The following POU6F1 variants were observed in gnomAD, a reference collection of about 807,000 sequenced individuals.
POU6F1 encodes the protein POU domain, class 6, transcription factor 1.
Under a neutral mutation model 28.9 loss-of-function variants are expected in POU6F1, and 9 were observed. That is an observed-to-expected ratio of 0.31 (90% CI 0.19 to 0.54). The LOEUF is 0.54. Among genes scored for constraint, POU6F1 ranks in the 20% least tolerant of loss-of-function variants. The pLI, the probability that POU6F1 is intolerant of heterozygous loss-of-function variation, is 0.94. For synonymous variants in POU6F1, 173 were observed against 171.1 expected, an observed-to-expected ratio of 1.01 and a Z score of -0.09; for missense variants, 338 against 426.1, an observed-to-expected ratio of 0.79 and a Z score of 1.82.
chr12:51,200,779 C>T (rs1054960758), intron 3 of POU6F1, among the ~76,000 whole-genome samples: 8 of 152,092 alleles, frequency 5.3e-5, no homozygotes, highest in Non-Finnish European at 8.8e-5. Context: ...TCTCTGCCTC[C>T]GGGGCTCAAG....
intron 2 of POU6F1, 31 bp from the exon 3 acceptor site, chr12:51,204,399 A>G (rs1445170397): frequency 5.0e-6 from 2 of 398,870 alleles, no homozygotes; most frequent in Non-Finnish European, 8.8e-6. Context: ...CACTGTTGGG[A>G]TAGGGGCCAG....
chr12:51,196,660 A>G, intron 7 of POU6F1, 139 bp downstream of exon 7: 1 of 1,060,362 alleles, frequency 9.4e-7, no homozygotes, highest in Non-Finnish European at 1.4e-6. Context: ...GCATCGGCAG[A>G]AAGCCGCCGC....
chr12:51,213,014 G>A (rs1944106362), intron 1 of POU6F1, among the ~76,000 whole-genome samples: 1 of 151,754 alleles, frequency 6.6e-6, no homozygotes, highest in East Asian at 2.0e-4. Flanking sequence ...TCGGCTTACT[G>A]CAACCTCCGC....
Position 51,192,458 on chromosome 12 carries a change from T to C in POU6F1, c.1193A>G (p.Gln398Arg). 1 of 1,613,240 alleles carries C rather than the reference T, an allele frequency of 6.2e-7. No homozygotes were observed. Among genetic ancestry groups the C allele is most frequent in the Non-Finnish European group, 8.5e-7 (1 of 1,179,966 alleles). Residue 398 changes from glutamine to arginine, a missense_variant, in exon 9 of 11, where the codon CAG (glutamine) becomes CGG (arginine). Physicochemically the swap from Gln to Arg is conservative, Grantham distance 43. This residue lies in a region of POU6F1 where 206 missense variants were observed against 225.6 expected (regional missense o/e 0.91). Transcript: ENST00000333640. Reference sequence around the variant, plus strand: ...AGGCTGGGGCACGGTTGGTGTGGGCTGGATGGGCTGCACCTGTGAAAGGAC... The same window carrying C: ...AGGCTGGGGCACGGTTGGTGTGGGCCGGATGGGCTGCACCTGTGAAAGGAC... The part of the protein sequence containing the change: ...SPAKSEVQPI[Q>R]PTPTVPQPAV...
chr12:51,216,723 C>T (rs1471742125), intron 1 of POU6F1, among the ~76,000 whole-genome samples: 2 of 152,122 alleles, frequency 1.3e-5, no homozygotes, highest in African/African-American at 4.8e-5. Flanking sequence ...GAAGACCAGC[C>T]CTCTACTTTT....
intron 2 of POU6F1, among the ~76,000 whole-genome samples, chr12:51,206,443 CAAACAAAA>C (rs1943624567): frequency 1.7e-5 from 2 of 120,134 alleles, no homozygotes; most frequent in African/African-American, 6.2e-5. Flanking sequence ...AACAAACAAA[CAAACAAAA>C]AAGATATAAG....
Position 51,192,372 on chromosome 12 carries a change from T to C in POU6F1, c.1279A>G (p.Ile427Val), listed in dbSNP as rs1592138177. 2 of 1,613,944 alleles carry C rather than the reference T, an allele frequency of 1.2e-6. No homozygotes were observed. Among genetic ancestry groups the C allele is most frequent in the Non-Finnish European group, 1.7e-6 (2 of 1,179,980 alleles). ...AKPSASAPIP[I>V]TCSETPTVSQ... ...ACGGTGGGGGTCTCTGAGCAGGTAA[T>C]TGGGATAGGAGCAGAGGCAGATGGC... Residue 427 changes from isoleucine (I) to valine (V), a missense_variant, in exon 9 of 11, where the codon ATT becomes GTT. By Grantham distance (29) the Ile-to-Val change is conservative. Coordinates refer to ENST00000333640, the MANE Select transcript of POU6F1 (RefSeq NM_001330422.2).
At chr12:51,196,311 TAAA>T (rs1942824341) in intron 7 of POU6F1, 138 bp from the exon 8 acceptor site, 1 of 696,530 alleles carries the variant, frequency 1.4e-6, no homozygotes, top group Non-Finnish European at 2.3e-6. Flanking sequence ...TCTGCATGAG[TAAA>T]ATGCAGGATT....
chr12:51,216,473 G>A (rs1026406411), intron 1 of POU6F1, among the ~76,000 whole-genome samples: 1 of 152,192 alleles, frequency 6.6e-6, no homozygotes, highest in Non-Finnish European at 1.5e-5. Context: ...CTCCATGATA[G>A]AAGTTTTGTC....
At chr12:51,200,201 G>C (rs552771338) in intron 3 of POU6F1, among the ~76,000 whole-genome samples, 42 of 152,218 alleles carry the variant, frequency 2.8e-4, no homozygotes, top group Non-Finnish European at 8.8e-5. Flanking sequence ...CATCAACAGA[G>C]GAGTCTGAAG....
rs916461490 is a variant in POU6F1 at position 51,217,790 on chromosome 12, G to GGGCTC, written c.-201_-197dup. On this transcript the variant is annotated 5_prime_UTR_variant, in exon 1 of 11. Transcript: ENST00000333640. This position sits in a 1 kb window ranked among gnomAD's most constrained non-coding sequence, Gnocchi z 5.3. Reference sequence around the variant, plus strand: ...ACAAAGAAGCCAGTGCGGCTTGGCTGGGCTCGGCTCGGCCCGGGAGCTGGT... The same window carrying GGGCTC: ...ACAAAGAAGCCAGTGCGGCTTGGCTGGGCTCGGCTCGGCTCGGCCCGGGAGCTGGT... 2 of 151,898 alleles carry GGGCTC rather than the reference G, an allele frequency of 1.3e-5. No homozygotes were observed. Among genetic ancestry groups the GGGCTC allele is most frequent in the Admixed American group, 6.5e-5 (1 of 15,270 alleles). 9.4% of individuals were successfully genotyped at this position (151,898 alleles called of 1,614,324 possible). A position where few individuals can be genotyped will look rare whatever the true frequency, so the allele number is the denominator to read the frequency against.
At chr12:51,194,371 T>G (rs933902473) in intron 8 of POU6F1, among the ~76,000 whole-genome samples, 1 of 152,066 alleles carries the variant, frequency 6.6e-6, no homozygotes, top group Non-Finnish European at 1.5e-5. Context: ...CTGGGCACGG[T>G]GTCACATGCC....
Position 51,196,144 on chromosome 12 carries a change from G to A in POU6F1, c.1005C>T (p.Asn335=). The change falls in exon 8 of 11, where the codon AAC becomes AAT. Residue 335 remains asparagine (N), a synonymous_variant. Transcript: ENST00000333640. ...GTGCTGGGGCCGCCACACTAGCTGAGTTCACTACCCATGGAAGGGTTCCAA... is the reference window on the plus strand; with the variant it reads ...GTGCTGGGGCCGCCACACTAGCTGAATTCACTACCCATGGAAGGGTTCCAA... The part of the protein sequence containing the change: ...QVIGTLPWVV[N]SASVAAPAPA... 1 of 1,551,838 alleles carries A rather than the reference G, an allele frequency of 6.4e-7. No homozygotes were observed. The highest frequency in any genetic ancestry group is 8.7e-7 in the Non-Finnish European group (1 of 1,152,016).
At position 51,204,267 on chromosome 12, in the gene POU6F1, G is replaced by A. The variant is rs771492989; in HGVS notation, c.150C>T (p.Ala50=). 1.0e-5 allele frequency: 4 copies of A among 399,086 alleles called. No individual in the cohort carries two copies. The highest frequency in any genetic ancestry group is 1.3e-4 in the South Asian group (1 of 7,864). The allele number at this position is 399,086 out of a possible 1,614,324, so 24.7% of individuals were successfully genotyped here. Residue 50 remains alanine, a synonymous_variant, in exon 3 of 11, where the codon GCC becomes GCT. Transcript: ENST00000333640. Reference sequence around the variant, plus strand: ...GGTCTCCGCTCTGGGAGCCCTCGGCGGCCACACCCTCCAGTCCTTTGCTCT... The same window carrying A: ...GGTCTCCGCTCTGGGAGCCCTCGGCAGCCACACCCTCCAGTCCTTTGCTCT... The part of the protein sequence containing the change: ...EEESKGLEGV[A]AEGSQSGDPA...
chr12:51,214,694 T>C (rs565868033), intron 1 of POU6F1, among the ~76,000 whole-genome samples: 2 of 152,216 alleles, frequency 1.3e-5, no homozygotes, highest in Admixed American at 6.5e-5. Flanking sequence ...TCCCAGCACT[T>C]TGGGAGGCTG....
chr12:51,216,451 C>A (rs975733517), intron 1 of POU6F1, among the ~76,000 whole-genome samples: 1 of 152,096 alleles, frequency 6.6e-6, no homozygotes, highest in African/African-American at 2.4e-5. Flanking sequence ...TTGTCCACCC[C>A]CAGAATAAAA....
chr12:51,197,673 G>C (rs182731987), intron 6 of POU6F1, 97 bp downstream of exon 6: 5 of 398,728 alleles, frequency 1.3e-5, no homozygotes, highest in Middle Eastern at 6.3e-4. Context: ...GCTGTTTTCG[G>C]GGGGGGCTCG....
At chr12:51,193,210 T>G (rs1169380307) in intron 8 of POU6F1, among the ~76,000 whole-genome samples, 3 of 152,214 alleles carry the variant, frequency 2.0e-5, no homozygotes, top group Non-Finnish European at 4.4e-5. Context: ...GCTTTTGGTA[T>G]CTCTCTACCA....
chr12:51,206,051 T>G (rs1943588292), intron 2 of POU6F1, among the ~76,000 whole-genome samples: 1 of 148,136 alleles, frequency 6.8e-6, no homozygotes, highest in Non-Finnish European at 1.5e-5. Context: ...ACTCCTGACC[T>G]CAGGTGATCC....
Sources: allele counts gnomAD v4.1 joint callset (sites outside exome capture counted in the v4.1 genomes callset), GRCh38; gene constraint gnomAD v4.1.1; regional missense constraint gnomAD v4.1.1; non-coding constraint Gnocchi (gnomAD v3.1); transcripts MANE v1.5; gene names NCBI Gene and HGNC (gene_info 2026-07-23, HGNC 2026-07-21).